The following PTPRD variants were observed in gnomAD, a reference collection of about 807,000 sequenced individuals.
PTPRD encodes protein tyrosine phosphatase receptor type D, also known as receptor-type tyrosine-protein phosphatase delta.
PTPRD carries 34 observed loss-of-function variants against 214.5 expected under a neutral mutation model. The observed-to-expected ratio is 0.16, with a 90% CI of 0.12 to 0.21. The LOEUF (loss-of-function observed/expected upper bound fraction) is 0.21, where lower values mean the gene tolerates loss of function less well. Ranked by LOEUF, PTPRD falls within the 10% of genes least tolerant of loss-of-function variation. PTPRD has a pLI of 1.00. For synonymous variants in PTPRD, 1,128 were observed against 845.7 expected (o/e 1.33, Z -5.79); for missense variants, 2,545 against 2,398.7 (o/e 1.06, Z -1.27).
At chr9:8,964,551 T>G (rs2099179887) in intron 11 of PTPRD, among the ~76,000 whole-genome samples, 1 of 152,066 alleles carries the variant, frequency 6.6e-6, no homozygotes, top group Non-Finnish European at 1.5e-5. Flanking sequence ...GGTCTCAATT[T>G]TATTCAGTTT....
intron 8 of PTPRD, among the ~76,000 whole-genome samples, chr9:9,453,457 T>A (rs974159205): frequency 6.6e-6 from 1 of 151,670 alleles, no homozygotes; most frequent in Non-Finnish European, 1.5e-5. Flanking sequence ...TGAAAGCACA[T>A]CTGTGTCGGG....
intron 10 of PTPRD, among the ~76,000 whole-genome samples, chr9:9,139,470 G>A (rs2099856478): frequency 6.6e-6 from 1 of 152,062 alleles, no homozygotes; most frequent in Admixed American, 6.6e-5. Context: ...TATGAGATTA[G>A]CAACAATAAC....
chr9:9,858,019 T>C (rs2061897218), intron 5 of PTPRD, among the ~76,000 whole-genome samples: 1 of 152,220 alleles, frequency 6.6e-6, no homozygotes, highest in African/African-American at 2.4e-5. Flanking sequence ...CCATTATCTA[T>C]GTCAAAAGAT....
chr9:9,686,693 A>T lies in PTPRD; in HGVS notation c.-287+47840T>A, dbSNP rs1304086066. Among the ~76,000 whole-genome samples, 5 of 151,760 alleles carry T rather than the reference A, an allele frequency of 3.3e-5. 1 individual carries two copies. The South Asian group carries it at 6.2e-4, about 19-fold the overall frequency. ...AACATTTGTGTACTTTATGTAATAC[A>T]TCAATGAATATTTACAAGTTATATG... is the stretch of plus-strand genomic sequence containing the variant. On this transcript the variant is annotated intron_variant, in intron 7 of 45. Transcript: ENST00000381196.
At chr9:9,676,523 C>T (rs943799889) in intron 7 of PTPRD, among the ~76,000 whole-genome samples, 34 of 151,836 alleles carry the variant, frequency 2.2e-4, no homozygotes, top group Admixed American at 1.2e-3. Flanking sequence ...ATCCAGTCTA[C>T]CATTGATGGA....
intron 10 of PTPRD, among the ~76,000 whole-genome samples, chr9:9,081,845 A>T (rs1238728135): frequency 5.0e-5 from 7 of 140,836 alleles, no homozygotes; most frequent in Admixed American, 7.2e-5. Flanking sequence ...TTTGCTTTCC[A>T]TTTGCTTGGT....
intron 10 of PTPRD, among the ~76,000 whole-genome samples, chr9:9,086,501 T>C (rs1471111417): frequency 6.6e-6 from 1 of 152,180 alleles, no homozygotes; most frequent in African/African-American, 2.4e-5. Context: ...ATTGGATTAT[T>C]ATCACCTTTA....
intron 11 of PTPRD, among the ~76,000 whole-genome samples, chr9:8,750,583 G>C (rs909010623): frequency 6.6e-6 from 1 of 152,164 alleles, no homozygotes; most frequent in African/African-American, 2.4e-5. Flanking sequence ...GACAGGAAAG[G>C]ACCCTAGAGA....
chr9:8,521,267 T>G lies in PTPRD; in HGVS notation c.961+10A>C, dbSNP rs372948954. 6.2e-7 allele frequency: 1 copy of G among 1,605,658 alleles called. No homozygotes were observed. The highest frequency in any genetic ancestry group is 1.7e-5 in the Admixed American group (1 of 59,724). ...ACCCAGATCCTCAAAGCATAATCCA[T>G]TGAGCATACCTTTGACAGTGATCTG... On this transcript the variant is annotated intron_variant, in intron 20 of 45. Transcript: ENST00000381196.
intron 7 of PTPRD, among the ~76,000 whole-genome samples, chr9:9,660,856 G>C (rs916799314): frequency 5.3e-5 from 8 of 151,846 alleles, no homozygotes; most frequent in African/African-American, 1.5e-4. Context: ...TATAAACTCA[G>C]AGCCTGAATC....
At chr9:9,534,740 G>A (rs904380983) in intron 8 of PTPRD, among the ~76,000 whole-genome samples, 6 of 151,938 alleles carry the variant, frequency 3.9e-5, no homozygotes, top group African/African-American at 2.4e-5. Flanking sequence ...AAACCTCCCT[G>A]GAATCATTGT....
chr9:8,894,374 A>AGTC (rs2098584215), intron 11 of PTPRD, among the ~76,000 whole-genome samples: 1 of 151,420 alleles, frequency 6.6e-6, no homozygotes, highest in Non-Finnish European at 1.5e-5. Flanking sequence ...AAAAAAAAAA[A>AGTC]AGTCTGCAAC....
At chr9:10,448,429 T>C (rs2098814388) in intron 2 of PTPRD, among the ~76,000 whole-genome samples, 1 of 151,936 alleles carries the variant, frequency 6.6e-6, no homozygotes, top group Non-Finnish European at 1.5e-5. Context: ...GTCATATTAA[T>C]CAAGATCATA....
chr9:9,054,435 G>T (rs561807886), intron 10 of PTPRD, among the ~76,000 whole-genome samples: 102 of 152,226 alleles, frequency 6.7e-4, no homozygotes, highest in African/African-American at 2.4e-3. Flanking sequence ...CATTGAAATA[G>T]TAGATATAAA....
intron 12 of PTPRD, among the ~76,000 whole-genome samples, chr9:8,723,142 G>T (rs976489297): frequency 6.6e-6 from 1 of 152,084 alleles, no homozygotes; most frequent in Non-Finnish European, 1.5e-5. Flanking sequence ...AGGGCCCCAT[G>T]ATGTGTCTCC....
intron 7 of PTPRD, among the ~76,000 whole-genome samples, chr9:9,641,302 G>T (rs1296177646): frequency 2.0e-5 from 3 of 152,186 alleles, no homozygotes; most frequent in African/African-American, 7.2e-5. Context: ...AATTGTAAAT[G>T]CAGCATGTAA....
chr9:9,611,961 A>G (rs1167674869), intron 7 of PTPRD, among the ~76,000 whole-genome samples: 1 of 152,128 alleles, frequency 6.6e-6, no homozygotes, highest in Non-Finnish European at 1.5e-5. Context: ...CTTTCACAAG[A>G]ATTTAAATAT....
At chr9:10,462,155 G>C (rs2098963717) in intron 2 of PTPRD, among the ~76,000 whole-genome samples, 1 of 152,042 alleles carries the variant, frequency 6.6e-6, no homozygotes, top group Non-Finnish European at 1.5e-5. Context: ...AATTATAGCT[G>C]CTTTTGTCAC....
At chr9:10,083,985 T>C (rs1038169945) in intron 3 of PTPRD, among the ~76,000 whole-genome samples, 2 of 151,968 alleles carry the variant, frequency 1.3e-5, no homozygotes, top group African/African-American at 4.8e-5. Context: ...CTCAAGGTCA[T>C]ACTTGGTCAC....
Sources: allele counts gnomAD v4.1 joint callset (sites outside exome capture counted in the v4.1 genomes callset), GRCh38; gene constraint gnomAD v4.1.1; transcripts MANE v1.5; gene names NCBI Gene and HGNC (gene_info 2026-07-23, HGNC 2026-07-21).